MAP10: variants seen among roughly 807,000 people sequenced by gnomAD.
MAP10 encodes microtubule-associated protein 10.
A neutral mutation model predicts 6.3 loss-of-function variants in MAP10; 10 were observed. The observed-to-expected ratio is 1.58, with a 90% confidence interval of 0.98 to 2.69. The LOEUF (loss-of-function observed/expected upper bound fraction) is 2.69, where lower values mean the gene tolerates loss of function less well. Ranked by LOEUF, MAP10 falls within the 30% of genes most tolerant of loss-of-function variation. MAP10 has a pLI of 0.00. For missense variants in MAP10, 1,189 were observed against 1,086.5 expected (o/e 1.09, Z -1.33); for synonymous variants, 459 against 429.3 (o/e 1.07, Z -0.86).
At chr1:232,805,552 C>T in the MAP10 span, 1 of 1,559,900 alleles carries the variant, frequency 6.4e-7, no homozygotes, top group Non-Finnish European at 8.7e-7. Context: ...CGCAGTGGAG[C>T]AGGAGGAGGA....
At chr1:232,805,567 G>T in the MAP10 span, 1 of 1,557,008 alleles carries the variant, frequency 6.4e-7, no homozygotes. Flanking sequence ...GGAGGAAGAG[G>T]AGGAAAAGGA....
rs374323821 is a variant in MAP10, at chr1:232,806,768, A to G, written c.1319A>G (p.Lys440Arg). ...AAGAAGTCACCCGAATCTTCTGCCA[A>G]ATCCACATGCCGGTCTGAAGCCAAG... is the stretch of plus-strand genomic sequence containing the variant. ...EDKKSPESSAKSTCRSEAKKD... is the reference protein window; with the variant it reads ...EDKKSPESSARSTCRSEAKKD... The change falls in exon 1 of 1, where the codon AAA becomes AGA. Residue 440 changes from lysine to arginine, a missense_variant. Coordinates refer to ENST00000418460, the MANE Select transcript of MAP10 (RefSeq NM_019090.3). 6.8e-5 allele frequency: 109 copies of G among 1,613,718 alleles called. No individual in the cohort carries two copies. Among genetic ancestry groups the G allele is most frequent in the Non-Finnish European group, 9.1e-5 (107 of 1,179,858 alleles).
At position 232,806,868 on chromosome 1, in the gene MAP10, T is replaced by C. The variant is rs1666115289; in HGVS notation, c.1419T>C (p.Tyr473=). 12 of 1,611,476 alleles carry C rather than the reference T, an allele frequency of 7.4e-6. No homozygotes were observed. The East Asian group carries it at 2.7e-4, about 36-fold the overall frequency. Reference sequence around the variant, plus strand: ...ATAAAAAGAACCAAATTGAAAACTATAAGGAAGATAAATATTCTGAAAAGA... The same window carrying C: ...ATAAAAAGAACCAAATTGAAAACTACAAGGAAGATAAATATTCTGAAAAGA... The part of the protein sequence containing the change: ...LQYKKNQIEN[Y]KEDKYSEKSS... Residue 473 remains tyrosine, a synonymous_variant, in exon 1 of 1, where the codon TAT becomes TAC. Coordinates refer to ENST00000418460, the MANE Select transcript of MAP10 (RefSeq NM_019090.3).
chr1:232,805,863 G>C lies in MAP10; in HGVS notation c.414G>C (p.Ser138=). Reference sequence around the variant, plus strand: ...AGCTCCTGGGGGCCTGCGACATTTCGCTGGCCACCGCAGCGCACAGGGTCG... The same window carrying C: ...AGCTCCTGGGGGCCTGCGACATTTCCCTGGCCACCGCAGCGCACAGGGTCG... ...TPQLLGACDI[S]LATAAHRVVG... Residue 138 remains serine, a synonymous_variant, in exon 1 of 1, where the codon TCG becomes TCC. Coordinates refer to ENST00000418460, the MANE Select transcript of MAP10 (RefSeq NM_019090.3). 1 of 1,589,622 alleles carries C rather than the reference G, an allele frequency of 6.3e-7. No individual in the cohort carries two copies.
Position 232,806,024 on chromosome 1 carries a change from T to C in MAP10, c.575T>C (p.Leu192Pro), listed in dbSNP as rs1443709259. The change falls in exon 1 of 1, where the codon CTT (leucine) becomes CCT (proline). Residue 192 changes from leucine to proline, a missense_variant. Transcript: ENST00000418460. ...TDLGSRLLSQ[L>P]ERPLTFTRTG... ...CTGGGAAGCCGCCTGCTGAGCCAAC[T>C]TGAGCGGCCCCTCACCTTCACCCGC... The C allele has an allele frequency of 2.5e-6, 4 of 1,613,712 alleles. No homozygotes were observed. Among genetic ancestry groups the C allele is most frequent in the Non-Finnish European group, 3.4e-6 (4 of 1,179,866 alleles).
Position 232,806,120 on chromosome 1 carries a change from A to T in MAP10, c.671A>T (p.Gln224Leu). The change falls in exon 1 of 1, where the codon CAG (glutamine) becomes CTG (leucine). Residue 224 changes from glutamine (Q) to leucine (L), a missense_variant. Transcript: ENST00000418460. ...CAGCAGCTGCAGCAGCCAGCCTCAC[A>T]GCCAAGCCCAAAAGAGGCTGATAAG... ...ERQQLQQPAS[Q>L]PSPKEADKPL... 6.2e-7 allele frequency: 1 copy of T among 1,614,036 alleles called. No homozygotes were observed. Among genetic ancestry groups the T allele is most frequent in the Non-Finnish European group, 8.5e-7 (1 of 1,179,904 alleles).
the MAP10 span, chr1:232,807,102 AAGTC>A: frequency 6.2e-7 from 1 of 1,611,992 alleles, no homozygotes; most frequent in Non-Finnish European, 8.5e-7. Flanking sequence ...CTGCAGAACA[AAGTC>A]AGAAGCCACA....
At position 232,805,721 on chromosome 1, in the gene MAP10, G is replaced by A. The variant is rs181327519; in HGVS notation, c.272G>A (p.Arg91His). Residue 91 changes from arginine to histidine, a missense_variant, in exon 1 of 1, where the codon CGC (arginine) becomes CAC (histidine). Physicochemically the swap from Arg to His is conservative, Grantham distance 29. Transcript: ENST00000418460. ...EPWPGVIRFG[R>H]GKSCLFRLQP... ...TGGCCCGGTGTCATCCGCTTCGGTC[G>A]CGGCAAGTCCTGCCTCTTCCGCCTG... 21 of 1,604,218 alleles carry A rather than the reference G, an allele frequency of 1.3e-5. No individual in the cohort carries two copies. In the East Asian group the frequency reaches 2.9e-4, roughly 22 times the overall value.
Position 232,806,803 on chromosome 1 carries a change from C to G in MAP10, c.1354C>G (p.Arg452Gly). Residue 452 changes from arginine to glycine, a missense_variant, in exon 1 of 1, where the codon CGT becomes GGT. Physicochemically the swap from Arg to Gly is moderately radical, Grantham distance 125. Coordinates refer to ENST00000418460, the MANE Select transcript of MAP10 (RefSeq NM_019090.3). ...TCRSEAKKDK[R>G]SVGGCEKSVS... ...CCGGTCTGAAGCCAAGAAGGATAAG[C>G]GTTCTGTGGGGGGATGTGAAAAGTC... 6.2e-7 allele frequency: 1 copy of G among 1,613,406 alleles called. No homozygotes were observed. Among genetic ancestry groups the G allele is most frequent in the Non-Finnish European group, 8.5e-7 (1 of 1,179,760 alleles).
chr1:232,805,798 C>A lies in MAP10; in HGVS notation c.349C>A (p.Leu117Met). 1 of 1,596,804 alleles carries A rather than the reference C, an allele frequency of 6.3e-7. No individual in the cohort carries two copies. The highest frequency in any genetic ancestry group is 8.5e-7 in the Non-Finnish European group (1 of 1,172,318). The change falls in exon 1 of 1, where the codon CTG (leucine) becomes ATG (methionine). Residue 117 changes from leucine (L) to methionine (M), a missense_variant. By Grantham distance (15) the Leu-to-Met change is conservative. Transcript: ENST00000418460. The part of the protein sequence containing the change: ...RLLRTPLATL[L>M]LQLPPGRPTP... ...CCTGCGGACCCCGCTTGCCACCTTGCTGCTGCAGCTGCCCCCTGGGCGCCC... is the reference window on the plus strand; with the variant it reads ...CCTGCGGACCCCGCTTGCCACCTTGATGCTGCAGCTGCCCCCTGGGCGCCC...
rs1250807988 is a variant in MAP10 at position 232,809,590 on chromosome 1, T to C, written c.*1423T>C. Among the ~76,000 whole-genome samples the C allele has an allele frequency of 1.3e-5, 2 of 152,066 alleles. No individual in the cohort carries two copies. The highest frequency in any genetic ancestry group is 4.8e-5 in the African/African-American group (2 of 41,446). On this transcript the variant is annotated 3_prime_UTR_variant, in exon 1 of 1. Coordinates refer to ENST00000418460, the MANE Select transcript of MAP10 (RefSeq NM_019090.3). ...TACAGAGAGCCTCAAATGCTAAGTA[T>C]AATAATAGAATTCTAAGCAATAGGA...
At position 232,805,845 on chromosome 1, in the gene MAP10, G is replaced by A. The variant is rs1318343443; in HGVS notation, c.396G>A (p.Leu132=). ...PGRPTPTPQL[L]GACDISLATA... is the part of the protein sequence containing the mutation. ...GCCCGACGCCCACCCCACAGCTCCTGGGGGCCTGCGACATTTCGCTGGCCA... is the reference window on the plus strand; with the variant it reads ...GCCCGACGCCCACCCCACAGCTCCTAGGGGCCTGCGACATTTCGCTGGCCA... The change falls in exon 1 of 1, where the codon CTG becomes CTA. Residue 132 remains leucine, a synonymous_variant. Coordinates refer to ENST00000418460, the MANE Select transcript of MAP10 (RefSeq NM_019090.3). 1 of 1,590,548 alleles carries A rather than the reference G, an allele frequency of 6.3e-7. No homozygotes were observed. The highest frequency in any genetic ancestry group is 1.3e-5 in the African/African-American group (1 of 74,496).
rs1340864414 is a variant in MAP10 at position 232,805,774 on chromosome 1, C to T, written c.325C>T (p.Leu109=). Residue 109 remains leucine, a synonymous_variant, in exon 1 of 1, where the codon CTG becomes TTG. Transcript: ENST00000418460. Reference sequence around the variant, plus strand: ...GCCTGCTACCCTGCACTGCCGGCTCCTGCGGACCCCGCTTGCCACCTTGCT... The same window carrying T: ...GCCTGCTACCCTGCACTGCCGGCTCTTGCGGACCCCGCTTGCCACCTTGCT... ...LQPATLHCRL[L]RTPLATLLLQ... is the part of the protein sequence containing the mutation. 1.9e-6 allele frequency: 3 copies of T among 1,600,266 alleles called. No homozygotes were observed. The highest frequency in any genetic ancestry group is 2.2e-5 in the East Asian group (1 of 44,686).
Position 232,806,776 on chromosome 1 carries a change from T to A in MAP10, c.1327T>A (p.Cys443Ser). ...ACCCGAATCTTCTGCCAAATCCACA[T>A]GCCGGTCTGAAGCCAAGAAGGATAA... is the stretch of plus-strand genomic sequence containing the variant. ...KSPESSAKST[C>S]RSEAKKDKRS... Residue 443 changes from cysteine (C) to serine (S), a missense_variant, in exon 1 of 1, where the codon TGC becomes AGC. Transcript: ENST00000418460. 1 of 1,613,786 alleles carries A rather than the reference T, an allele frequency of 6.2e-7. No individual in the cohort carries two copies. The highest frequency in any genetic ancestry group is 8.5e-7 in the Non-Finnish European group (1 of 1,179,848).
Position 232,807,741 on chromosome 1 carries a change from A to G in MAP10, c.2292A>G (p.Pro764=). Residue 764 remains proline, a synonymous_variant, in exon 1 of 1, where the codon CCA becomes CCG. Transcript: ENST00000418460. The part of the protein sequence containing the change: ...NSSDRSSILS[P]PFSAGSPVHS... ...GTGACAGGAGTTCTATCCTTAGCCCACCTTTTTCAGCCGGGTCACCTGTAC... is the reference window on the plus strand; with the variant it reads ...GTGACAGGAGTTCTATCCTTAGCCCGCCTTTTTCAGCCGGGTCACCTGTAC... 6.2e-7 allele frequency: 1 copy of G among 1,613,756 alleles called. No homozygotes were observed. The highest frequency in any genetic ancestry group is 1.1e-5 in the South Asian group (1 of 91,072).
At position 232,805,654 on chromosome 1, in the gene MAP10, G is replaced by C. The variant is rs373845358; in HGVS notation, c.205G>C (p.Val69Leu). ...CCTGCTGGACTTCCCCACGCTGTTG[G>C]TTTACCCTCCTGACGGCCCCGGCGC... ...FRLLDFPTLL[V>L]YPPDGPGAPA... The change falls in exon 1 of 1, where the codon GTT (valine) becomes CTT (leucine). Residue 69 changes from valine (V) to leucine (L), a missense_variant. Physicochemically the swap from Val to Leu is conservative, Grantham distance 32 (BLOSUM62 1). Transcript: ENST00000418460. 8 of 1,592,630 alleles carry C rather than the reference G, an allele frequency of 5.0e-6. No individual in the cohort carries two copies. In the African/African-American group the frequency reaches 1.1e-4, roughly 21 times the overall value.
Position 232,806,484 on chromosome 1 carries a change from C to T in MAP10, c.1035C>T (p.Pro345=), listed in dbSNP as rs373474225. The change falls in exon 1 of 1, where the codon CCC becomes CCT. Residue 345 remains proline (P), a synonymous_variant. Transcript: ENST00000418460. ...DASPEKKRVN[P]PAHRSCLKHP... ...CTCCTGAAAAAAAGCGTGTAAATCCCCCAGCACACAGGAGTTGTCTAAAGC... is the reference window on the plus strand; with the variant it reads ...CTCCTGAAAAAAAGCGTGTAAATCCTCCAGCACACAGGAGTTGTCTAAAGC... 4 of 1,613,900 alleles carry T rather than the reference C, an allele frequency of 2.5e-6. No homozygotes were observed. Among genetic ancestry groups the T allele is most frequent in the Non-Finnish European group, 1.7e-6 (2 of 1,179,878 alleles).
At position 232,808,310 on chromosome 1, in the gene MAP10, A is replaced by AT; in HGVS notation, c.*147dup. The AT allele has an allele frequency of 1.9e-6, 1 of 529,134 alleles. No individual in the cohort carries two copies. The highest frequency in any genetic ancestry group is 3.3e-6 in the Non-Finnish European group (1 of 299,730). 32.8% of individuals were successfully genotyped at this position (529,134 alleles called of 1,614,324 possible). ...GTTATTCCTTTGATGTTTAAATGGT[A>AT]TTTTACCATTAAATCTGATAATATT... On this transcript the variant is annotated 3_prime_UTR_variant, in exon 1 of 1. Coordinates refer to ENST00000418460, the MANE Select transcript of MAP10 (RefSeq NM_019090.3).
At position 232,809,121 on chromosome 1, in the gene MAP10, T is replaced by C. The variant is rs1666157171; in HGVS notation, c.*954T>C. ...AGTTCAGTTTCTTGTCATTTCAGTT[T>C]GTTCAATGGTTATTTTTAGTGTATG... On this transcript the variant is annotated 3_prime_UTR_variant, in exon 1 of 1. Transcript: ENST00000418460. Among the ~76,000 whole-genome samples, 1 of 152,144 alleles carries C rather than the reference T, an allele frequency of 6.6e-6. No homozygotes were observed. Among genetic ancestry groups the C allele is most frequent in the South Asian group, 2.1e-4 (1 of 4,838 alleles).
Sources: allele counts gnomAD v4.1 joint callset (sites outside exome capture counted in the v4.1 genomes callset), GRCh38; gene constraint gnomAD v4.1.1; transcripts MANE v1.5; gene names NCBI Gene and HGNC (gene_info 2026-07-23, HGNC 2026-07-21).